CTNNA3: variants seen among roughly 807,000 people sequenced by gnomAD.
CTNNA3 encodes catenin alpha-3.
In CTNNA3, 76 loss-of-function variants were observed where a neutral mutation model predicts 95.7. The ratio of observed to expected loss-of-function variants is 0.79; its 90% confidence interval spans 0.66 to 0.96. CTNNA3 has a LOEUF of 0.96. Ranked by LOEUF, CTNNA3 falls within the 40% of genes least tolerant of loss-of-function variation. The probability of loss-of-function intolerance (pLI) is 0.00; values close to 1 mark genes in which losing one functional copy is unlikely to be tolerated. For synonymous variants in CTNNA3, 431 were observed against 374.4 expected, an observed-to-expected ratio of 1.15 and a Z score of -1.74; for missense variants, 1,191 against 1,089.8, an observed-to-expected ratio of 1.09 and a Z score of -1.31.
intron 11 of CTNNA3, among the ~76,000 whole-genome samples, chr10:66,455,220 C>T (rs1015353502): frequency 3.3e-5 from 5 of 152,118 alleles, no homozygotes; most frequent in African/African-American, 1.2e-4. Context: ...GATGTTCACT[C>T]TAACTTCTCC....
At chr10:67,132,695 T>TA (rs555841193) in intron 7 of CTNNA3, among the ~76,000 whole-genome samples, 6 of 151,346 alleles carry the variant, frequency 4.0e-5, no homozygotes, top group South Asian at 2.1e-4. Flanking sequence ...GACGAATGGA[T>TA]AAAAAAAATG....
chr10:66,679,647 T>C (rs1317579317), intron 9 of CTNNA3, among the ~76,000 whole-genome samples: 1 of 152,170 alleles, frequency 6.6e-6, no homozygotes, highest in Non-Finnish European at 1.5e-5. Flanking sequence ...CACCTGTATG[T>C]TTTCCTTAAT....
intron 3 of CTNNA3, among the ~76,000 whole-genome samples, chr10:67,558,557 C>T (rs558518458): frequency 3.9e-4 from 60 of 152,322 alleles, no homozygotes; most frequent in African/African-American, 1.3e-3. Context: ...CCAGCGTGAG[C>T]GACGCAGAAG....
At chr10:67,589,636 T>C (rs1318513216) in intron 3 of CTNNA3, among the ~76,000 whole-genome samples, 1 of 152,156 alleles carries the variant, frequency 6.6e-6, no homozygotes, top group Non-Finnish European at 1.5e-5. Flanking sequence ...TCCTGTTCTT[T>C]TTATATTCAT....
At chr10:66,372,461 A>G (rs1047195011) in intron 12 of CTNNA3, among the ~76,000 whole-genome samples, 1 of 152,128 alleles carries the variant, frequency 6.6e-6, no homozygotes, top group Non-Finnish European at 1.5e-5. Context: ...GCACTGGTGA[A>G]TAACCACACA....
intron 9 of CTNNA3, among the ~76,000 whole-genome samples, chr10:66,640,956 C>T (rs770655311): frequency 6.6e-6 from 1 of 152,096 alleles, no homozygotes; most frequent in African/African-American, 2.4e-5. Context: ...AACCCCTCAA[C>T]TTTTTGACAT....
At chr10:66,715,559 T>C (rs1848424283) in intron 9 of CTNNA3, among the ~76,000 whole-genome samples, 1 of 152,196 alleles carries the variant, frequency 6.6e-6, no homozygotes, top group Admixed American at 6.6e-5. Flanking sequence ...GCCTTAAATA[T>C]ATAATTTTTA....
Position 67,512,822 on chromosome 10 carries a change from T to TA in CTNNA3, c.579+9019dup, listed in dbSNP as rs562119735. Among the ~76,000 whole-genome samples the TA allele has an allele frequency of 2.6e-5, 4 of 151,860 alleles. No individual in the cohort carries two copies. The South Asian group carries it at 8.3e-4, about 32-fold the overall frequency. On this transcript the variant is annotated intron_variant, in intron 5 of 17. Coordinates refer to ENST00000433211, the MANE Select transcript of CTNNA3 (RefSeq NM_013266.4). ...CAACATGGTGAAACTCCATCTCTAC[T>TA]AAAAATACAAAAATTAGCTAGGCAT...
At position 67,001,390 on chromosome 10, in the gene CTNNA3, C is replaced by G. The variant is rs181299381; in HGVS notation, c.1047+178927G>C. Reference sequence around the variant, plus strand: ...GGGCTGTGAGTTCACTTCTAGAATGCTAGGTACTCATGGAAATTTACCTAA... The same window carrying G: ...GGGCTGTGAGTTCACTTCTAGAATGGTAGGTACTCATGGAAATTTACCTAA... On this transcript the variant is annotated intron_variant, in intron 7 of 17. Coordinates refer to ENST00000433211, the MANE Select transcript of CTNNA3 (RefSeq NM_013266.4). Among the ~76,000 whole-genome samples the G allele has an allele frequency of 2.2e-3, 327 of 150,610 alleles. 2 individuals are homozygous for G. The highest frequency in any genetic ancestry group is 3.8e-3 in the Non-Finnish European group (260 of 67,750).
At chr10:67,107,915 A>T (rs565547627) in intron 7 of CTNNA3, among the ~76,000 whole-genome samples, 7 of 152,172 alleles carry the variant, frequency 4.6e-5, no homozygotes, top group African/African-American at 1.7e-4. Context: ...TCTAGCAGGG[A>T]CTCTGGCCTT....
intron 9 of CTNNA3, among the ~76,000 whole-genome samples, chr10:66,765,915 T>A (rs1240591115): frequency 1.3e-5 from 2 of 152,150 alleles, no homozygotes; most frequent in Admixed American, 6.5e-5. Flanking sequence ...GACAGAGTAA[T>A]GCAGCTACAA....
chr10:66,460,992 A>T (rs1360240278), intron 11 of CTNNA3, among the ~76,000 whole-genome samples: 2 of 152,178 alleles, frequency 1.3e-5, no homozygotes. Flanking sequence ...AAGAAAAAAC[A>T]CAAAAATGTG....
At chr10:67,482,592 T>C (rs139045953) in intron 5 of CTNNA3, among the ~76,000 whole-genome samples, 4,230 of 152,322 alleles carry the variant, frequency 0.028, 82 homozygotes, top group South Asian at 0.1. Flanking sequence ...TTTTTGTACA[T>C]TGATTTTGTA....
At chr10:66,753,351 G>T (rs918181634) in intron 9 of CTNNA3, among the ~76,000 whole-genome samples, 6 of 152,064 alleles carry the variant, frequency 3.9e-5, no homozygotes, top group African/African-American at 1.2e-4. Context: ...CAGCAAGGTT[G>T]CAAGATTCAA....
At chr10:67,220,796 A>T (rs181303615) in intron 5 of CTNNA3, among the ~76,000 whole-genome samples, 180 of 152,244 alleles carry the variant, frequency 1.2e-3, no homozygotes, top group Admixed American at 5.0e-3. Flanking sequence ...TACCTTAACC[A>T]AGTGATGAAA....
At chr10:66,401,176 A>C (rs866097879) in intron 11 of CTNNA3, among the ~76,000 whole-genome samples, 8 of 152,102 alleles carry the variant, frequency 5.3e-5, no homozygotes, top group Non-Finnish European at 1.2e-4. Flanking sequence ...TTCCTCATTA[A>C]TAAAATGGGG....
At chr10:66,745,791 G>A (rs193230338) in intron 9 of CTNNA3, among the ~76,000 whole-genome samples, 283 of 149,690 alleles carry the variant, frequency 1.9e-3, no homozygotes, top group African/African-American at 6.8e-3. Flanking sequence ...AGTAGAGATG[G>A]AGTTTCACTG....
intron 11 of CTNNA3, among the ~76,000 whole-genome samples, chr10:66,441,480 C>T (rs1353292279): frequency 6.6e-6 from 1 of 152,026 alleles, no homozygotes; most frequent in Non-Finnish European, 1.5e-5. Context: ...TGAAATTAGC[C>T]TTGCAAATAC....
At position 66,434,908 on chromosome 10, in the gene CTNNA3, G is replaced by GTT. The variant is rs200584333; in HGVS notation, c.1532-55558_1532-55557dup. Among the ~76,000 whole-genome samples the GTT allele has an allele frequency of 4.5e-4, 68 of 150,510 alleles. 1 individual carries two copies. In the South Asian group the frequency reaches 0.013, roughly 29 times the overall value. ...TTTGCATCTATTGAGATAATCATGT[G>GTT]TTTTTTTTTCATTGGTTCTGTTTAT... is the stretch of plus-strand genomic sequence containing the variant. On this transcript the variant is annotated intron_variant, in intron 11 of 17. Transcript: ENST00000433211.
Sources: allele counts gnomAD v4.1 joint callset (sites outside exome capture counted in the v4.1 genomes callset), GRCh38; gene constraint gnomAD v4.1.1; transcripts MANE v1.5; gene names NCBI Gene and HGNC (gene_info 2026-07-23, HGNC 2026-07-21).